PARP8: variants seen among roughly 807,000 people sequenced by gnomAD.
The protein encoded by PARP8 is protein mono-ADP-ribosyltransferase PARP8.
A neutral mutation model predicts 124.1 loss-of-function variants in PARP8; 51 were observed. That is an observed-to-expected ratio of 0.41 (90% CI 0.33 to 0.52). PARP8 has a LOEUF of 0.52. Ranked by LOEUF, PARP8 falls within the 20% of genes least tolerant of loss-of-function variation. PARP8 has a pLI of 0.21. For synonymous variants in PARP8, 391 were observed against 361.5 expected, an observed-to-expected ratio of 1.08 and a Z score of -0.93; for missense variants, 860 against 1,018.9, an observed-to-expected ratio of 0.84 and a Z score of 2.12.
chr5:50,678,102 A>G (rs2149441443), intron 2 of PARP8, among the ~76,000 whole-genome samples: 1 of 152,180 alleles, frequency 6.6e-6, no homozygotes, highest in East Asian at 1.9e-4. Context: ...ATGAATAAAA[A>G]TATCAACTTT....
chr5:50,689,683 C>T (rs1199790086), intron 2 of PARP8, among the ~76,000 whole-genome samples: 1 of 152,172 alleles, frequency 6.6e-6, no homozygotes, highest in African/African-American at 2.4e-5. Context: ...CTGTATTTTT[C>T]TATGACCCAG....
intron 14 of PARP8, among the ~76,000 whole-genome samples, chr5:50,805,629 G>A (rs573783536): frequency 1.4e-5 from 2 of 145,990 alleles, no homozygotes; most frequent in Admixed American, 6.7e-5. Context: ...ATATATGTTT[G>A]AAAAGATAAA....
chr5:50,814,980 T>G (rs1744935258), intron 14 of PARP8, among the ~76,000 whole-genome samples: 1 of 152,130 alleles, frequency 6.6e-6, no homozygotes, highest in Non-Finnish European at 1.5e-5. Flanking sequence ...GCTATTTTTT[T>G]TTTGTTTTTT....
intron 2 of PARP8, among the ~76,000 whole-genome samples, chr5:50,745,384 C>T (rs559530961): frequency 3.3e-5 from 5 of 152,326 alleles, no homozygotes; most frequent in African/African-American, 1.2e-4. Flanking sequence ...AATTACTCAG[C>T]ACCTGCTGTT....
Position 50,795,290 on chromosome 5 carries a change from C to A in PARP8, c.1301C>A (p.Ser434Tyr). The change falls in exon 12 of 26, where the codon TCC becomes TAC. Residue 434 changes from serine to tyrosine, a missense_variant. This residue lies in a region of PARP8 where 517 missense variants were observed against 544.2 expected (regional missense o/e 0.95). Coordinates refer to ENST00000281631, the MANE Select transcript of PARP8 (RefSeq NM_024615.4). ...CACAAATTGCTCAGCAAGTCCTACT[C>A]CAGTGCCCCCAAGTCATCCAAAACT... ...KNHKLLSKSYSSAPKSSKTEL... is the reference protein window; with the variant it reads ...KNHKLLSKSYYSAPKSSKTEL... The A allele has an allele frequency of 4.3e-6, 7 of 1,614,120 alleles. No homozygotes were observed. Among genetic ancestry groups the A allele is most frequent in the Non-Finnish European group, 5.9e-6 (7 of 1,180,000 alleles).
intron 3 of PARP8, among the ~76,000 whole-genome samples, chr5:50,752,342 A>C (rs1486282122): frequency 6.6e-6 from 1 of 152,042 alleles, no homozygotes; most frequent in Non-Finnish European, 1.5e-5. Context: ...TAGAACTTGC[A>C]AACAAATCTG....
At chr5:50,719,557 T>C (rs13156735) in intron 2 of PARP8, among the ~76,000 whole-genome samples, 10,203 of 152,102 alleles carry the variant, frequency 0.067, 382 homozygotes, top group Middle Eastern at 0.11. Context: ...TATCCAGTTT[T>C]CTCAGCAACA....
chr5:50,799,117 T>C (rs1742899836), intron 14 of PARP8, among the ~76,000 whole-genome samples: 1 of 152,226 alleles, frequency 6.6e-6, no homozygotes. Context: ...ACTTGTGTTT[T>C]TGATGTTGCG....
chr5:50,690,289 G>A (rs1255077049), intron 2 of PARP8, among the ~76,000 whole-genome samples: 2 of 152,122 alleles, frequency 1.3e-5, no homozygotes, highest in African/African-American at 4.8e-5. Flanking sequence ...ATTTCTTTTT[G>A]GAAGAAGGTA....
At chr5:50,667,582 T>C (rs900537300) in intron 1 of PARP8, 9 of 698,768 alleles carry the variant, frequency 1.3e-5, no homozygotes, top group Non-Finnish European at 2.1e-5. Context: ...GAATGGAGCC[T>C]GCTGCGCTGC....
intron 7 of PARP8, among the ~76,000 whole-genome samples, chr5:50,776,995 T>C (rs1328598068): frequency 1.3e-5 from 2 of 152,212 alleles, no homozygotes; most frequent in African/African-American, 2.4e-5. Flanking sequence ...AAAATGAATG[T>C]CGTAATATTA....
intron 25 of PARP8, among the ~76,000 whole-genome samples, chr5:50,838,183 T>G (rs1177901685): frequency 6.6e-6 from 1 of 152,156 alleles, no homozygotes; most frequent in East Asian, 1.9e-4. Flanking sequence ...ACATCTCACC[T>G]TCTCCAGTCT....
chr5:50,752,275 T>G (rs1759342755), intron 3 of PARP8, among the ~76,000 whole-genome samples: 1 of 152,102 alleles, frequency 6.6e-6, no homozygotes, highest in Admixed American at 6.6e-5. Context: ...TGTCATATAC[T>G]TTAGCATTAA....
intron 2 of PARP8, among the ~76,000 whole-genome samples, chr5:50,698,359 C>T (rs1027301399): frequency 6.6e-6 from 1 of 152,168 alleles, no homozygotes; most frequent in Non-Finnish European, 1.5e-5. Flanking sequence ...TTATTGTTTT[C>T]AGGGCTACCT....
chr5:50,780,000 A>G (rs1676778357), intron 9 of PARP8, among the ~76,000 whole-genome samples: 1 of 152,222 alleles, frequency 6.6e-6, no homozygotes, highest in African/African-American at 2.4e-5. Flanking sequence ...TGATAATTTC[A>G]GATATATAAA....
chr5:50,721,543 A>G (rs1401371875), intron 2 of PARP8, among the ~76,000 whole-genome samples: 1 of 152,072 alleles, frequency 6.6e-6, no homozygotes, highest in Non-Finnish European at 1.5e-5. Flanking sequence ...CCAAAAGTCA[A>G]GGACCTGTGA....
upstream of PARP8, chr5:50,666,456 A>C (rs1447612481): frequency 5.9e-5 from 9 of 151,646 alleles, no homozygotes; most frequent in South Asian, 1.9e-3. Context: ...TCCCGGCGCG[A>C]GTGGAGGTCG....
intron 2 of PARP8, among the ~76,000 whole-genome samples, chr5:50,686,623 T>G (rs905010749): frequency 2.6e-5 from 4 of 152,242 alleles, no homozygotes; most frequent in Non-Finnish European, 5.9e-5. Context: ...ATGAGGGCCC[T>G]GCCCCCTACA....
intron 12 of PARP8, among the ~76,000 whole-genome samples, chr5:50,795,816 T>G (rs1487898928): frequency 6.6e-6 from 1 of 152,248 alleles, no homozygotes; most frequent in Non-Finnish European, 1.5e-5. Flanking sequence ...TTTCTTGTGG[T>G]TAAATTGAGA....
Sources: gnomAD v4.1 joint callset for allele counts (sites outside exome capture counted in the v4.1 genomes callset) on GRCh38, gnomAD v4.1.1 for gene constraint, gnomAD v4.1.1 regional missense constraint, MANE v1.5 for transcripts, NCBI Gene and HGNC (gene_info 2026-07-23, HGNC 2026-07-21) for gene names.